MAP3K4: variants seen among roughly 807,000 people sequenced by gnomAD.
MAP3K4 encodes the protein MAP three kinase 1.
MAP3K4 carries 67 observed loss-of-function variants against 185.6 expected under a neutral mutation model. That is an observed-to-expected ratio of 0.36 (90% CI 0.30 to 0.44). The LOEUF is 0.44. Among genes scored for constraint, MAP3K4 ranks in the 20% least tolerant of loss-of-function variants. The pLI is 1.00. For missense variants in MAP3K4, 1,551 were observed against 1,995.1 expected (o/e 0.78, Z 4.24); for synonymous variants, 702 against 710.4 (o/e 0.99, Z 0.19).
At position 161,056,578 on chromosome 6, in the gene MAP3K4, T is replaced by A. The variant is rs1041871024; in HGVS notation, c.1707+6599T>A. The stretch of plus-strand genomic sequence containing the variant: ...CCTGGCTACCATTACTACAATTAAT[T>A]ACATGTTTGTTCAACCCTACCATAC... On this transcript the variant is annotated intron_variant, in intron 3 of 26. Transcript: ENST00000392142. The surrounding 1 kb of genome is among the most constrained non-coding windows in gnomAD (Gnocchi z 5.4). Among the ~76,000 whole-genome samples, 12 of 152,216 alleles carry A rather than the reference T, an allele frequency of 7.9e-5. No homozygotes were observed. Among genetic ancestry groups the A allele is most frequent in the Non-Finnish European group, 1.5e-4 (10 of 68,042 alleles).
Position 161,073,903 on chromosome 6 carries a change from C to T in MAP3K4, c.2097+291C>T, listed in dbSNP as rs1355765481. On this transcript the variant is annotated intron_variant, in intron 5 of 26. Transcript: ENST00000392142. The surrounding 1 kb of genome is among the most constrained non-coding windows in gnomAD (Gnocchi z 4.2). ...TTGTTTTTAAGTTGGAAGTTTTTGA[C>T]AAACGTTAACCTAGTTCATTCTTTA... is the stretch of plus-strand genomic sequence containing the variant. Among the ~76,000 whole-genome samples, 1 of 152,166 alleles carries T rather than the reference C, an allele frequency of 6.6e-6. No homozygotes were observed. Among genetic ancestry groups the T allele is most frequent in the Non-Finnish European group, 1.5e-5 (1 of 68,006 alleles).
chr6:161,106,614 T>G lies in MAP3K4; in HGVS notation c.3957T>G (p.Gly1319=). ...YREMRRKNII[G]QVCDTPKSYD... is the part of the protein sequence containing the mutation. Reference sequence around the variant, plus strand: ...AAATGAGGAGAAAGAATATCATTGGTCAAGTTTGTGATACGCCTAAGTCCT... The same window carrying G: ...AAATGAGGAGAAAGAATATCATTGGGCAAGTTTGTGATACGCCTAAGTCCT... The change falls in exon 20 of 27, where the codon GGT becomes GGG. Residue 1319 remains glycine (G), a synonymous_variant. Coordinates refer to ENST00000392142, the MANE Select transcript of MAP3K4 (RefSeq NM_005922.4). The surrounding 1 kb of genome is among the most constrained non-coding windows in gnomAD (Gnocchi z 4.9). 1 of 1,613,902 alleles carries G rather than the reference T, an allele frequency of 6.2e-7. No homozygotes were observed.
At position 161,007,563 on chromosome 6, in the gene MAP3K4, A is replaced by G. The variant is rs561247606; in HGVS notation, c.152+15480A>G. 6.6e-6 allele frequency among the ~76,000 whole-genome samples: 1 copy of G among 152,330 alleles called. No individual in the cohort carries two copies. The highest frequency in any genetic ancestry group is 1.9e-4 in the East Asian group (1 of 5,178). On this transcript the variant is annotated intron_variant, in intron 1 of 26. Transcript: ENST00000392142. This position sits in a 1 kb window ranked among gnomAD's most constrained non-coding sequence, Gnocchi z 4.5. The stretch of plus-strand genomic sequence containing the variant: ...AAGTGCCCAACTCATTCTGTCCTTT[A>G]TAACATAGAATATTTTCATTTGTAT...
chr6:161,114,624 AG>A lies in MAP3K4; in HGVS notation c.4627-498del, dbSNP rs1251341224. 6.6e-6 allele frequency among the ~76,000 whole-genome samples: 1 copy of A among 152,234 alleles called. No individual in the cohort carries two copies. The highest frequency in any genetic ancestry group is 1.5e-5 in the Non-Finnish European group (1 of 68,040). The stretch of plus-strand genomic sequence containing the variant: ...AGAAATTAGAATGCCATACACACTT[AG>A]TTCCTTCCCCTGTGAATCTCATTTT... On this transcript the variant is annotated intron_variant, in intron 25 of 26. Coordinates refer to ENST00000392142, the MANE Select transcript of MAP3K4 (RefSeq NM_005922.4). The surrounding 1 kb of genome is among the most constrained non-coding windows in gnomAD (Gnocchi z 4.3).
chr6:161,109,767 A>C lies in MAP3K4; in HGVS notation c.4249A>C (p.Ile1417Leu). 2 of 1,614,212 alleles carry C rather than the reference A, an allele frequency of 1.2e-6. No individual in the cohort carries two copies. Among genetic ancestry groups the C allele is most frequent in the Non-Finnish European group, 8.5e-7 (1 of 1,180,030 alleles). ...GVELHREEMY[I>L]FMEYCDEGTL... The stretch of plus-strand genomic sequence containing the variant: ...ATTCCTCCCACAGGAAGAAATGTAC[A>C]TCTTCATGGAGTACTGCGATGAGGG... The change falls in exon 23 of 27, where the codon ATC becomes CTC. Residue 1417 changes from isoleucine (I) to leucine (L), a missense_variant. Around this residue, in one of 16 missense-constraint regions of MAP3K4, gnomAD observed 159 missense variants for 300.5 expected, o/e 0.53. Coordinates refer to ENST00000392142, the MANE Select transcript of MAP3K4 (RefSeq NM_005922.4). This position sits in a 1 kb window ranked among gnomAD's most constrained non-coding sequence, Gnocchi z 5.7.
Position 161,116,886 on chromosome 6 carries a change from G to A in MAP3K4, c.*16G>A. 1 of 1,612,270 alleles carries A rather than the reference G, an allele frequency of 6.2e-7. No homozygotes were observed. Among genetic ancestry groups the A allele is most frequent in the South Asian group, 1.1e-5 (1 of 91,048 alleles). On this transcript the variant is annotated 3_prime_UTR_variant, in exon 27 of 27. Coordinates refer to ENST00000392142, the MANE Select transcript of MAP3K4 (RefSeq NM_005922.4). The surrounding 1 kb of genome is among the most constrained non-coding windows in gnomAD (Gnocchi z 6.2). ...TGAAGAATGAAGCCTAGTAGAATAT[G>A]GACTTGGAAAATTCTCTTAATCACT...
At position 161,037,876 on chromosome 6, in the gene MAP3K4, G is replaced by T. The variant is rs77675193; in HGVS notation, c.343+3427G>T. Among the ~76,000 whole-genome samples, 992 of 152,234 alleles carry T rather than the reference G, an allele frequency of 6.5e-3. 10 individuals carry two copies. Among genetic ancestry groups the T allele is most frequent in the Middle Eastern group, 0.065 (19 of 294 alleles). ...TTAAATGATTGTCTCAAGTCGTGTA[G>T]CTACTGTTCCTGCTTCTGTCCTGCC... On this transcript the variant is annotated intron_variant, in intron 2 of 26. Transcript: ENST00000392142. The surrounding 1 kb of genome is among the most constrained non-coding windows in gnomAD (Gnocchi z 4.2).
intron 1 of MAP3K4, among the ~76,000 whole-genome samples, chr6:161,011,652 T>C (rs1055007507): frequency 1.3e-5 from 2 of 152,152 alleles, no homozygotes; most frequent in Non-Finnish European, 2.9e-5. Flanking sequence ...AAGAAGCCCT[T>C]AGAGGTTTAC....
chr6:161,092,205 T>C (rs1391235587), intron 13 of MAP3K4, 62 bp downstream of exon 13: 2 of 1,585,584 alleles, frequency 1.3e-6, no homozygotes, highest in Non-Finnish European at 8.6e-7. Context: ...TTTGTTCATA[T>C]ATGTTCTGTG....
At position 161,086,835 on chromosome 6, in the gene MAP3K4, C is replaced by G. The variant is rs1785742792; in HGVS notation, c.2556+168C>G. Among the ~76,000 whole-genome samples the G allele has an allele frequency of 6.6e-6, 1 of 152,180 alleles. No individual in the cohort carries two copies. Among genetic ancestry groups the G allele is most frequent in the African/African-American group, 2.4e-5 (1 of 41,446 alleles). On this transcript the variant is annotated intron_variant, in intron 9 of 26. Coordinates refer to ENST00000392142, the MANE Select transcript of MAP3K4 (RefSeq NM_005922.4). The surrounding 1 kb of genome is among the most constrained non-coding windows in gnomAD (Gnocchi z 4.8). ...GTAATTCACCAGTGGAATAATGAAA[C>G]AGTCTTTTTCATACTTGACTTACTA...
Position 161,017,601 on chromosome 6 carries a change from G to A in MAP3K4, c.153-16658G>A, listed in dbSNP as rs992741238. 6.6e-6 allele frequency among the ~76,000 whole-genome samples: 1 copy of A among 152,124 alleles called. No individual in the cohort carries two copies. The highest frequency in any genetic ancestry group is 1.5e-5 in the Non-Finnish European group (1 of 68,018). ...TAAGTTATAGAAACAGGCCCAAAGA[G>A]GTTAAATTTTCACAAAATAAATGGG... On this transcript the variant is annotated intron_variant, in intron 1 of 26. Coordinates refer to ENST00000392142, the MANE Select transcript of MAP3K4 (RefSeq NM_005922.4). The surrounding 1 kb of genome is among the most constrained non-coding windows in gnomAD (Gnocchi z 5.1).
chr6:161,073,413 G>A lies in MAP3K4; in HGVS notation c.1951-53G>A, dbSNP rs1273543630. ...TTTAAGTAGGAAGATATAAAACACG[G>A]ATCGTCTGGTTGGAGTTTATGGCTG... On this transcript the variant is annotated intron_variant, in intron 4 of 26. Coordinates refer to ENST00000392142, the MANE Select transcript of MAP3K4 (RefSeq NM_005922.4). This position sits in a 1 kb window ranked among gnomAD's most constrained non-coding sequence, Gnocchi z 4.2. The A allele has an allele frequency of 1.3e-6, 2 of 1,487,400 alleles. No individual in the cohort carries two copies. The highest frequency in any genetic ancestry group is 1.8e-6 in the Non-Finnish European group (2 of 1,115,756). 92.1% of individuals were successfully genotyped at this position (1,487,400 alleles called of 1,614,324 possible). A position where few individuals can be genotyped will look rare whatever the true frequency, so the allele number is the denominator to read the frequency against.
rs150175598 is a variant in MAP3K4, at chr6:161,112,886, G to T, written c.4626+112G>T. 224 of 587,368 alleles carry T rather than the reference G, an allele frequency of 3.8e-4. No homozygotes were observed. Among genetic ancestry groups the T allele is most frequent in the South Asian group, 2.5e-3 (44 of 17,264 alleles). 36.4% of individuals were successfully genotyped at this position (587,368 alleles called of 1,614,324 possible). On this transcript the variant is annotated intron_variant, in intron 25 of 26. Transcript: ENST00000392142. This position sits in a 1 kb window ranked among gnomAD's most constrained non-coding sequence, Gnocchi z 5.1. Reference sequence around the variant, plus strand: ...ACAAACACTGTGGACACTAAATAGCGAACGATATTAGATACAAAAATCTGA... The same window carrying T: ...ACAAACACTGTGGACACTAAATAGCTAACGATATTAGATACAAAAATCTGA...
At chr6:161,019,677 G>C (rs1303598360) in intron 1 of MAP3K4, among the ~76,000 whole-genome samples, 1 of 152,148 alleles carries the variant, frequency 6.6e-6, no homozygotes, top group Non-Finnish European at 1.5e-5. Flanking sequence ...CCTTAGTGTT[G>C]GGATTACAGG....
rs1777430146 is a variant in MAP3K4, at chr6:161,093,664, TG to T, written c.3349-106del. ...TCTTTTAAACTAACTGAAAATATTT[TG>T]GGTAGCATGTTTTTAAAAATATACT... On this transcript the variant is annotated intron_variant, in intron 14 of 26. Coordinates refer to ENST00000392142, the MANE Select transcript of MAP3K4 (RefSeq NM_005922.4). This position sits in a 1 kb window ranked among gnomAD's most constrained non-coding sequence, Gnocchi z 5.2. The T allele has an allele frequency of 1.6e-6, 1 of 632,440 alleles. No individual in the cohort carries two copies. Among genetic ancestry groups the T allele is most frequent in the Non-Finnish European group, 2.8e-6 (1 of 359,756 alleles). 39.2% of individuals were successfully genotyped at this position (632,440 alleles called of 1,614,324 possible).
In MAP3K4 at chr6:161,093,096, C is replaced by G; in HGVS notation, c.3348+40C>G. 7.6e-7 allele frequency: 1 copy of G among 1,322,694 alleles called. No homozygotes were observed. Among genetic ancestry groups the G allele is most frequent in the Non-Finnish European group, 1.1e-6 (1 of 926,758 alleles). 81.9% of individuals were successfully genotyped at this position (1,322,694 alleles called of 1,614,324 possible). Reference sequence around the variant, plus strand: ...AAAGTTTTTTTCATTATAAAATAAGCCAGTCACTCCTTATTTTCTGGTTGT... The same window carrying G: ...AAAGTTTTTTTCATTATAAAATAAGGCAGTCACTCCTTATTTTCTGGTTGT... On this transcript the variant is annotated intron_variant, in intron 14 of 26. Coordinates refer to ENST00000392142, the MANE Select transcript of MAP3K4 (RefSeq NM_005922.4). This position sits in a 1 kb window ranked among gnomAD's most constrained non-coding sequence, Gnocchi z 5.2.
intron 1 of MAP3K4, among the ~76,000 whole-genome samples, chr6:161,005,793 A>C (rs1332113426): frequency 2.0e-5 from 3 of 151,928 alleles, no homozygotes; most frequent in African/African-American, 7.2e-5. Context: ...CTGTTTTTTT[A>C]TTTTTGTTTT....
chr6:161,069,051 A>G (rs1406073003), intron 3 of MAP3K4, among the ~76,000 whole-genome samples: 1 of 152,220 alleles, frequency 6.6e-6, no homozygotes, highest in African/African-American at 2.4e-5. Flanking sequence ...TACTAATGTT[A>G]TATGTAGTAT....
rs35129518 is a variant in MAP3K4, at chr6:161,008,988, C to CTT, written c.152+16919_152+16920dup. 2.1e-3 allele frequency among the ~76,000 whole-genome samples: 292 copies of CTT among 139,326 alleles called. 3 individuals carry two copies. Among genetic ancestry groups the CTT allele is most frequent in the African/African-American group, 6.7e-3 (253 of 37,790 alleles). 91.4% of individuals were successfully genotyped at this position (139,326 alleles called of 152,430 possible). A position where few individuals can be genotyped will look rare whatever the true frequency, so the allele number is the denominator to read the frequency against. On this transcript the variant is annotated intron_variant, in intron 1 of 26. Transcript: ENST00000392142. The surrounding 1 kb of genome is among the most constrained non-coding windows in gnomAD (Gnocchi z 4.1). ...ATTCATTTTTTTAAACCATCTGAAC[C>CTT]TTTTTTTTTTTTTTTGAGACGGAAT...
Sources: allele counts gnomAD v4.1 joint callset (sites outside exome capture counted in the v4.1 genomes callset), GRCh38; gene constraint gnomAD v4.1.1; regional missense constraint gnomAD v4.1.1; non-coding constraint Gnocchi (gnomAD v3.1); transcripts MANE v1.5; gene names NCBI Gene and HGNC (gene_info 2026-07-23, HGNC 2026-07-21).